The following KCNQ3 variants were observed in gnomAD, a reference collection of about 807,000 sequenced individuals.
KCNQ3 encodes the protein potassium voltage-gated channel subfamily KQT member 3.
Under a neutral mutation model 92.5 loss-of-function variants are expected in KCNQ3, and 30 were observed. The observed-to-expected ratio is 0.32, with a 90% CI of 0.24 to 0.44. The LOEUF (loss-of-function observed/expected upper bound fraction) is 0.44, where lower values mean the gene tolerates loss of function less well. Ranked by LOEUF, KCNQ3 falls within the 20% of genes least tolerant of loss-of-function variation. The pLI, the probability that KCNQ3 is intolerant of heterozygous loss-of-function variation, is 1.00. For missense variants in KCNQ3, 913 were observed against 1,140.3 expected, an observed-to-expected ratio of 0.80 and a Z score of 2.87; for synonymous variants, 450 against 468.8, an observed-to-expected ratio of 0.96 and a Z score of 0.52.
chr8:132,178,644 C>CT (rs1826648156), intron 4 of KCNQ3, among the ~76,000 whole-genome samples: 1 of 152,014 alleles, frequency 6.6e-6, no homozygotes, highest in Non-Finnish European at 1.5e-5. Context: ...CTGTCTGACT[C>CT]TCAAGCTCAT....
chr8:132,404,966 C>T (rs527433467), intron 1 of KCNQ3, among the ~76,000 whole-genome samples: 89 of 152,284 alleles, frequency 5.8e-4, no homozygotes, highest in African/African-American at 2.1e-3. Flanking sequence ...CCACCTATGA[C>T]CACAATTCAG....
At chr8:132,266,781 T>G (rs1232308866) in intron 1 of KCNQ3, among the ~76,000 whole-genome samples, 1 of 152,150 alleles carries the variant, frequency 6.6e-6, no homozygotes, top group East Asian at 1.9e-4. Flanking sequence ...AATCTTCCTG[T>G]CTAGCAAGCT....
At chr8:132,146,463 T>C (rs967684213) in intron 9 of KCNQ3, among the ~76,000 whole-genome samples, 37 of 152,200 alleles carry the variant, frequency 2.4e-4, no homozygotes, top group African/African-American at 8.7e-4. Context: ...AGTAGAATGG[T>C]GGTTTCCAGG....
chr8:132,327,783 A>T (rs956224221), intron 1 of KCNQ3, among the ~76,000 whole-genome samples: 1 of 152,164 alleles, frequency 6.6e-6, no homozygotes, highest in Non-Finnish European at 1.5e-5. Flanking sequence ...TGTTTTGTGG[A>T]GGATGAAAGG....
intron 9 of KCNQ3, among the ~76,000 whole-genome samples, chr8:132,161,298 C>T (rs369022714): frequency 9.2e-5 from 14 of 152,172 alleles, no homozygotes; most frequent in Admixed American, 1.3e-4. Context: ...TAGAAGGAGG[C>T]GATAAGATAA....
At chr8:132,334,393 G>A (rs575598830) in intron 1 of KCNQ3, among the ~76,000 whole-genome samples, 2 of 151,954 alleles carry the variant, frequency 1.3e-5, no homozygotes, top group South Asian at 2.1e-4. Flanking sequence ...GAATCACCTG[G>A]ACCAAGGAAG....
Position 132,137,993 on chromosome 8 carries a change from T to C in KCNQ3, c.1592A>G (p.Lys531Arg). ...CCTCAAAGTCTCCTTGAATTTTTTT[T>C]TATAGAGACGGAATTGTAGAATTCT... ...AVRILQFRLY[K>R]KKFKETLRPY... is the part of the protein sequence containing the mutation. Residue 531 changes from lysine (K) to arginine (R), a missense_variant, in exon 12 of 15, where the codon AAA becomes AGA. Lys to Arg is a conservative substitution (Grantham distance 26). Transcript: ENST00000388996. The C allele has an allele frequency of 6.2e-7, 1 of 1,612,320 alleles. No individual in the cohort carries two copies. Among genetic ancestry groups the C allele is most frequent in the Non-Finnish European group, 8.5e-7 (1 of 1,179,964 alleles).
At chr8:132,353,233 C>T (rs1818925846) in intron 1 of KCNQ3, among the ~76,000 whole-genome samples, 1 of 151,760 alleles carries the variant, frequency 6.6e-6, no homozygotes, top group Admixed American at 6.6e-5. Context: ...CAGCCCCCGA[C>T]CCCCAGCCCT....
chr8:132,437,051 G>C (rs1020830760), intron 1 of KCNQ3, among the ~76,000 whole-genome samples: 1 of 151,500 alleles, frequency 6.6e-6, no homozygotes. Context: ...AGGCCGAGGC[G>C]GGCGGATCAC....
At chr8:132,157,647 TTTTA>T (rs1036364194) in intron 9 of KCNQ3, among the ~76,000 whole-genome samples, 4 of 152,138 alleles carry the variant, frequency 2.6e-5, no homozygotes, top group African/African-American at 9.7e-5. Flanking sequence ...CTGTGTTTTA[TTTTA>T]TTTTATTTTT....
At position 132,325,184 on chromosome 8, in the gene KCNQ3, T is replaced by G. The variant is rs190517267; in HGVS notation, c.387-139003A>C. Among the ~76,000 whole-genome samples, 713 of 151,940 alleles carry G rather than the reference T, an allele frequency of 4.7e-3. 5 individuals carry two copies. The highest frequency in any genetic ancestry group is 0.017 in the African/African-American group (691 of 41,412). ...TGGCGGTGTGGATGGGGAAAGACAG[T>G]TAGTCAGTCAATAAAAGGAAAGAAA... On this transcript the variant is annotated intron_variant, in intron 1 of 14. Transcript: ENST00000388996.
intron 1 of KCNQ3, among the ~76,000 whole-genome samples, chr8:132,406,958 G>A (rs1820501160): frequency 6.6e-6 from 1 of 152,184 alleles, no homozygotes; most frequent in Non-Finnish European, 1.5e-5. Flanking sequence ...GAAGTGGAGG[G>A]GGAAGTGACA....
At chr8:132,416,599 G>A (rs1820815071) in intron 1 of KCNQ3, among the ~76,000 whole-genome samples, 1 of 152,174 alleles carries the variant, frequency 6.6e-6, no homozygotes, top group Admixed American at 6.5e-5. Context: ...TCCAGCCTGC[G>A]TGACAGAGTG....
chr8:132,285,873 C>T (rs1162823451), intron 1 of KCNQ3, among the ~76,000 whole-genome samples: 1 of 152,176 alleles, frequency 6.6e-6, no homozygotes, highest in African/African-American at 2.4e-5. Flanking sequence ...AGGGACTCTG[C>T]TCCTTAAATT....
intron 1 of KCNQ3, among the ~76,000 whole-genome samples, chr8:132,438,344 G>A (rs1821449136): frequency 6.6e-6 from 1 of 152,184 alleles, no homozygotes; most frequent in South Asian, 2.1e-4. Flanking sequence ...GCTTCCAAAT[G>A]CAGTAGAAAA....
Position 132,324,013 on chromosome 8 carries a change from A to T in KCNQ3, c.387-137832T>A, listed in dbSNP as rs564020299. Among the ~76,000 whole-genome samples the T allele has an allele frequency of 4.6e-5, 7 of 152,280 alleles. No individual in the cohort carries two copies. The South Asian group carries it at 1.4e-3, about 32-fold the overall frequency. ...CTACATCAGCAGTGTAGGGTTCAGA[A>T]ATTCCACACTGCTTACGGTTTCTCT... On this transcript the variant is annotated intron_variant, in intron 1 of 14. Transcript: ENST00000388996.
chr8:132,224,583 C>T (rs1459442413), intron 1 of KCNQ3, among the ~76,000 whole-genome samples: 1 of 152,136 alleles, frequency 6.6e-6, no homozygotes, highest in Non-Finnish European at 1.5e-5. Flanking sequence ...AAGAACCAAA[C>T]CCAAGGCATG....
At chr8:132,133,622 G>A (rs1331058065) in intron 13 of KCNQ3, among the ~76,000 whole-genome samples, 1 of 152,138 alleles carries the variant, frequency 6.6e-6, no homozygotes, top group Non-Finnish European at 1.5e-5. Flanking sequence ...CTGAAGGGCT[G>A]GGATTACAGG....
intron 1 of KCNQ3, among the ~76,000 whole-genome samples, chr8:132,447,915 T>C (rs1276562725): frequency 1.3e-5 from 2 of 152,218 alleles, no homozygotes; most frequent in East Asian, 1.9e-4. Context: ...CAGCGACTTA[T>C]AAATACCATC....
Sources: allele counts gnomAD v4.1 joint callset (sites outside exome capture counted in the v4.1 genomes callset), GRCh38; gene constraint gnomAD v4.1.1; transcripts MANE v1.5; gene names NCBI Gene and HGNC (gene_info 2026-07-23, HGNC 2026-07-21).